Variants in KCNB2 observed in about 807,000 individuals in gnomAD.
The protein encoded by KCNB2 is delayed rectifier potassium channel protein.
KCNB2 carries 15 observed loss-of-function variants against 61.5 expected under a neutral mutation model. The ratio of observed to expected loss-of-function variants is 0.24; its 90% confidence interval spans 0.16 to 0.38. The LOEUF (loss-of-function observed/expected upper bound fraction) is 0.38. Among genes scored for constraint, KCNB2 ranks in the 10% least tolerant of loss-of-function variants. The pLI is 1.00. For synonymous variants in KCNB2, 457 were observed against 446.0 expected (o/e 1.02, Z -0.31); for missense variants, 828 against 1,125.2 (o/e 0.74, Z 3.78).
At chr8:72,868,018 G>T (rs2129004535) in intron 2 of KCNB2, among the ~76,000 whole-genome samples, 1 of 150,606 alleles carries the variant, frequency 6.6e-6, no homozygotes, top group South Asian at 2.1e-4. Flanking sequence ...ATTGGCCAAT[G>T]AAATAATAGT....
At chr8:72,917,326 A>C (rs1585974208) in intron 2 of KCNB2, among the ~76,000 whole-genome samples, 1 of 152,236 alleles carries the variant, frequency 6.6e-6, no homozygotes, top group South Asian at 2.1e-4. Context: ...TAAATACTAT[A>C]ATCAGTTGAC....
intron 2 of KCNB2, among the ~76,000 whole-genome samples, chr8:72,783,084 A>G (rs1228796846): frequency 6.6e-6 from 1 of 152,214 alleles, no homozygotes; most frequent in East Asian, 1.9e-4. Flanking sequence ...TCTGTTTTAC[A>G]GAACTGTTCA....
At chr8:72,825,268 A>C (rs1382321539) in intron 2 of KCNB2, among the ~76,000 whole-genome samples, 1 of 152,198 alleles carries the variant, frequency 6.6e-6, no homozygotes, top group Non-Finnish European at 1.5e-5. Flanking sequence ...AGAGAGAGAG[A>C]GATCACATTT....
At chr8:72,779,118 C>T (rs1386589556) in intron 2 of KCNB2, among the ~76,000 whole-genome samples, 1 of 152,198 alleles carries the variant, frequency 6.6e-6, no homozygotes, top group African/African-American at 2.4e-5. Flanking sequence ...GTGGCTCAGT[C>T]ACAGCTTAGT....
At chr8:72,724,302 C>G (rs1807597387) in intron 2 of KCNB2, among the ~76,000 whole-genome samples, 1 of 152,136 alleles carries the variant, frequency 6.6e-6, no homozygotes, top group African/African-American at 2.4e-5. Flanking sequence ...TATTTCAATG[C>G]CAGTTGTACA....
intron 2 of KCNB2, among the ~76,000 whole-genome samples, chr8:72,849,870 T>G (rs1810063441): frequency 6.6e-6 from 1 of 152,178 alleles, no homozygotes; most frequent in Admixed American, 6.5e-5. Flanking sequence ...ACCTAACATC[T>G]AACAATTATG....
chr8:72,860,814 A>C (rs1483502521), intron 2 of KCNB2, among the ~76,000 whole-genome samples: 1 of 152,254 alleles, frequency 6.6e-6, no homozygotes, highest in South Asian at 2.1e-4. Context: ...CAAATGCATG[A>C]TGCATCTTCT....
intron 2 of KCNB2, among the ~76,000 whole-genome samples, chr8:72,884,236 C>T (rs552738533): frequency 7.2e-5 from 11 of 152,062 alleles, no homozygotes; most frequent in Non-Finnish European, 1.6e-4. Context: ...ATTGTCTATT[C>T]CTTTATTTTC....
chr8:72,745,933 G>T (rs1808056226), intron 2 of KCNB2, among the ~76,000 whole-genome samples: 1 of 151,970 alleles, frequency 6.6e-6, no homozygotes, highest in Admixed American at 6.6e-5. Flanking sequence ...AAATTTCAAG[G>T]GTTTAGAGGC....
At chr8:72,734,304 T>C (rs1474796693) in intron 2 of KCNB2, among the ~76,000 whole-genome samples, 1 of 152,168 alleles carries the variant, frequency 6.6e-6, no homozygotes, top group Non-Finnish European at 1.5e-5. Context: ...GCCTATTGTC[T>C]TTATTCTTAT....
At chr8:72,704,291 A>G (rs1807181558) in intron 2 of KCNB2, among the ~76,000 whole-genome samples, 1 of 152,198 alleles carries the variant, frequency 6.6e-6, no homozygotes, top group Non-Finnish European at 1.5e-5. Flanking sequence ...AGAACATTTT[A>G]GCATAATTTT....
intron 2 of KCNB2, among the ~76,000 whole-genome samples, chr8:72,657,230 T>G (rs966211036): frequency 6.6e-6 from 1 of 152,128 alleles, no homozygotes; most frequent in Non-Finnish European, 1.5e-5. Context: ...TTTAGCAAGA[T>G]AATATACAAC....
chr8:72,551,645 G>T (rs534254270), intron 1 of KCNB2, among the ~76,000 whole-genome samples: 1 of 152,222 alleles, frequency 6.6e-6, no homozygotes, highest in South Asian at 2.1e-4. Flanking sequence ...GGCTCCCAGA[G>T]CAGGGGCGGT....
chr8:72,600,664 A>T (rs1255662192), intron 2 of KCNB2, among the ~76,000 whole-genome samples: 1 of 152,314 alleles, frequency 6.6e-6, no homozygotes, highest in African/African-American at 2.4e-5. Flanking sequence ...GCCATAAAAA[A>T]GGATGAGATC....
Position 72,666,008 on chromosome 8 carries a change from T to C in KCNB2, c.579+97695T>C, listed in dbSNP as rs534875318. 3.9e-5 allele frequency among the ~76,000 whole-genome samples: 6 copies of C among 152,366 alleles called. No individual in the cohort carries two copies. In the South Asian group the frequency reaches 8.3e-4, roughly 21 times the overall value. On this transcript the variant is annotated intron_variant, in intron 2 of 2. Coordinates refer to ENST00000523207, the MANE Select transcript of KCNB2 (RefSeq NM_004770.3). ...CCCCTGGGACAGGGTTTAGCGTCCC[T>C]TCTTTTCTTAACTTGCCACAGCTCC... is the stretch of plus-strand genomic sequence containing the variant.
chr8:72,931,412 G>T (rs1365928942), intron 2 of KCNB2, among the ~76,000 whole-genome samples: 2 of 152,154 alleles, frequency 1.3e-5, no homozygotes, highest in African/African-American at 4.8e-5. Flanking sequence ...TCACGATATT[G>T]ATTCTTCCTA....
At chr8:72,689,503 G>C (rs1214458295) in intron 2 of KCNB2, among the ~76,000 whole-genome samples, 2 of 152,056 alleles carry the variant, frequency 1.3e-5, no homozygotes, top group African/African-American at 4.8e-5. Context: ...CCTAATTTTA[G>C]GACATTTTCA....
At chr8:72,817,372 A>G (rs916515237) in intron 2 of KCNB2, among the ~76,000 whole-genome samples, 1 of 152,170 alleles carries the variant, frequency 6.6e-6, no homozygotes, top group African/African-American at 2.4e-5. Flanking sequence ...CCTACTGCCT[A>G]CTTCGGATGT....
chr8:72,722,504 GCTCTTACCACT>G (rs1409816800), intron 2 of KCNB2, among the ~76,000 whole-genome samples: 3 of 152,168 alleles, frequency 2.0e-5, no homozygotes, highest in Non-Finnish European at 4.4e-5. Context: ...TGCTCAGACT[GCTCTTACCACT>G]CTCTTTGTCT....
Sources: gnomAD v4.1 joint callset for allele counts (sites outside exome capture counted in the v4.1 genomes callset) on GRCh38, gnomAD v4.1.1 for gene constraint, MANE v1.5 for transcripts, NCBI Gene and HGNC (gene_info 2026-07-23, HGNC 2026-07-21) for gene names.